RBBP8: variants seen among roughly 807,000 people sequenced by gnomAD.
RBBP8 encodes the protein RB binding protein 8, endonuclease.
Under a neutral mutation model 108.3 loss-of-function variants are expected in RBBP8, and 88 were observed. That is an observed-to-expected ratio of 0.81 (90% CI 0.68 to 0.97). The LOEUF (loss-of-function observed/expected upper bound fraction) is 0.97. RBBP8 is among the 50% of genes least tolerant of loss of function. The pLI, the probability that RBBP8 is intolerant of heterozygous loss-of-function variation, is 0.00. For synonymous variants in RBBP8, 332 were observed against 348.2 expected (o/e 0.95, Z 0.52); for missense variants, 1,023 against 1,049.0 (o/e 0.98, Z 0.34).
chr18:22,922,424 C>T (rs115943434), intron 3 of RBBP8, among the ~76,000 whole-genome samples: 2,071 of 152,118 alleles, frequency 0.014, 59 homozygotes, highest in African/African-American at 0.048. Context: ...TGGAGACACA[C>T]ACTGCTGAAA....
Position 23,014,462 on chromosome 18 carries a change from C to T in RBBP8, c.2358-2366C>T, listed in dbSNP as rs367724884. Among the ~76,000 whole-genome samples the T allele has an allele frequency of 5.3e-5, 8 of 152,210 alleles. No individual in the cohort carries two copies. The East Asian group carries it at 1.5e-3, about 29-fold the overall frequency. ...CAACCTGGGCAACATAGTAAGACCT[C>T]ATCTGTACTAAAAAGCAAAAATTAG... On this transcript the variant is annotated intron_variant, in intron 16 of 18. Coordinates refer to ENST00000327155, the MANE Select transcript of RBBP8 (RefSeq NM_002894.3).
chr18:22,937,912 A>T (rs1910716546), intron 2 of RBBP8, among the ~76,000 whole-genome samples: 1 of 151,836 alleles, frequency 6.6e-6, no homozygotes, highest in Non-Finnish European at 1.5e-5. Flanking sequence ...TGCAGCTTTA[A>T]CCTCCCAGGC....
At chr18:22,950,320 C>T (rs961799327) in intron 4 of RBBP8, among the ~76,000 whole-genome samples, 1 of 152,142 alleles carries the variant, frequency 6.6e-6, no homozygotes, top group African/African-American at 2.4e-5. Flanking sequence ...CGTGGTGGCT[C>T]ACACCTGTAA....
intron 9 of RBBP8, among the ~76,000 whole-genome samples, 153 bp from the exon 10 acceptor site, chr18:22,990,784 A>T (rs1387036547): frequency 6.6e-6 from 1 of 152,200 alleles, no homozygotes; most frequent in Non-Finnish European, 1.5e-5. Context: ...TGAATATTTC[A>T]TATAAATGGA....
At chr18:23,017,309 T>C (rs2046273441) in intron 17 of RBBP8, among the ~76,000 whole-genome samples, 2 of 149,578 alleles carry the variant, frequency 1.3e-5, no homozygotes, top group Non-Finnish European at 1.5e-5. Flanking sequence ...GAGCCGAGAT[T>C]GTGCCATTGC....
chr18:22,986,009 C>T (rs1245736407), intron 8 of RBBP8, among the ~76,000 whole-genome samples: 2 of 150,876 alleles, frequency 1.3e-5, no homozygotes, highest in Non-Finnish European at 2.9e-5. Context: ...CCAGTCCCTT[C>T]CCTGCTGGAA....
intron 15 of RBBP8, among the ~76,000 whole-genome samples, chr18:23,005,665 G>C (rs762586294): frequency 1.3e-4 from 19 of 151,882 alleles, no homozygotes; most frequent in Non-Finnish European, 2.1e-4. Flanking sequence ...CACCCACCTC[G>C]GCCTCCCAAA....
At chr18:22,930,437 T>C (rs1423886069), upstream of RBBP8, among the ~76,000 whole-genome samples, 2 of 152,190 alleles carry the variant, frequency 1.3e-5, no homozygotes, top group African/African-American at 4.8e-5. Flanking sequence ...AGCCACAACA[T>C]ATGAGAAACC....
intron 3 of RBBP8, among the ~76,000 whole-genome samples, chr18:22,924,605 T>C (rs1421242396): frequency 6.6e-6 from 1 of 152,134 alleles, no homozygotes; most frequent in African/African-American, 2.4e-5. Context: ...TTATTTTTTA[T>C]AGAAACAAAG....
intron 4 of RBBP8, among the ~76,000 whole-genome samples, chr18:22,955,777 T>A (rs977424503): frequency 6.6e-5 from 10 of 152,226 alleles, no homozygotes; most frequent in African/African-American, 2.2e-4. Context: ...AGACGGGTTT[T>A]CACTGTGTTC....
At chr18:22,951,638 G>T (rs538047358) in intron 4 of RBBP8, among the ~76,000 whole-genome samples, 2 of 152,298 alleles carry the variant, frequency 1.3e-5, no homozygotes, top group Non-Finnish European at 2.9e-5. Context: ...AGGTCCCACA[G>T]GTTGAGGGCT....
At chr18:22,994,629 A>G (rs2045820928) in intron 12 of RBBP8, among the ~76,000 whole-genome samples, 4 of 148,250 alleles carry the variant, frequency 2.7e-5, no homozygotes, top group Admixed American at 2.7e-4. Flanking sequence ...CCTGGGTGAC[A>G]GAGCAAGACT....
At chr18:23,012,780 T>G (rs2046191074) in intron 16 of RBBP8, among the ~76,000 whole-genome samples, 1 of 152,224 alleles carries the variant, frequency 6.6e-6, no homozygotes, top group Non-Finnish European at 1.5e-5. Flanking sequence ...TCAGTGCAGA[T>G]GAAACAGCCT....
chr18:22,954,916 C>G (rs557558628), intron 4 of RBBP8, among the ~76,000 whole-genome samples: 1 of 152,136 alleles, frequency 6.6e-6, no homozygotes, highest in African/African-American at 2.4e-5. Flanking sequence ...GTTAACTGCC[C>G]CCATGATTCA....
intron 1 of RBBP8, among the ~76,000 whole-genome samples, chr18:22,935,260 C>A (rs1910444209): frequency 6.7e-6 from 1 of 150,034 alleles, no homozygotes; most frequent in South Asian, 2.1e-4. Context: ...CTTGTTTCAT[C>A]TCTTCACCCA....
intron 6 of RBBP8, among the ~76,000 whole-genome samples, chr18:22,976,877 A>G (rs750413476): frequency 3.3e-5 from 5 of 152,124 alleles, no homozygotes; most frequent in Non-Finnish European, 7.4e-5. Flanking sequence ...TTGAAACTAT[A>G]TCGTGTCATT....
chr18:22,951,740 G>C (rs1431242706), intron 4 of RBBP8, among the ~76,000 whole-genome samples: 1 of 152,170 alleles, frequency 6.6e-6, no homozygotes, highest in African/African-American at 2.4e-5. Flanking sequence ...CTAAATTGGG[G>C]TTCCCACAAC....
At chr18:22,978,065 A>G (rs1242459745) in intron 6 of RBBP8, among the ~76,000 whole-genome samples, 1 of 152,208 alleles carries the variant, frequency 6.6e-6, no homozygotes, top group Non-Finnish European at 1.5e-5. Flanking sequence ...CACCTCCCCT[A>G]CAATGGCTAT....
chr18:22,920,128 G>A (rs947362580), intron 3 of RBBP8, among the ~76,000 whole-genome samples: 1 of 151,904 alleles, frequency 6.6e-6, no homozygotes, highest in Non-Finnish European at 1.5e-5. Flanking sequence ...TTCAAGACCA[G>A]CCTGGGAAAC....
Sources: gnomAD v4.1 joint callset for allele counts (sites outside exome capture counted in the v4.1 genomes callset) on GRCh38, gnomAD v4.1.1 for gene constraint, MANE v1.5 for transcripts, NCBI Gene and HGNC (gene_info 2026-07-23, HGNC 2026-07-21) for gene names.